HSD17B12: variants seen among roughly 807,000 people sequenced by gnomAD.
HSD17B12 encodes hydroxysteroid 17-beta dehydrogenase 12.
A neutral mutation model predicts 39.3 loss-of-function variants in HSD17B12; 32 were observed. The ratio of observed to expected loss-of-function variants is 0.81; its 90% CI spans 0.61 to 1.09. HSD17B12 has a LOEUF of 1.09. Ranked by LOEUF, HSD17B12 falls within the 50% of genes least tolerant of loss-of-function variation. The pLI is 0.00. For synonymous variants in HSD17B12, 150 were observed against 146.7 expected, an observed-to-expected ratio of 1.02 and a Z score of -0.16; for missense variants, 342 against 382.9, an observed-to-expected ratio of 0.89 and a Z score of 0.89.
chr11:43,721,620 A>T (rs890409834), intron 1 of HSD17B12, among the ~76,000 whole-genome samples: 4 of 152,136 alleles, frequency 2.6e-5, no homozygotes, highest in Admixed American at 1.3e-4. Context: ...CTCCATCTCA[A>T]AAAAGAAAAA....
chr11:43,817,010 CTATATCTATATCTATATCTA>C (rs1208380636), intron 6 of HSD17B12, among the ~76,000 whole-genome samples: 36 of 77,166 alleles, frequency 4.7e-4, no homozygotes, highest in Non-Finnish European at 6.1e-4. Context: ...ATATCTATAT[CTATATCTATATCTATATCTA>C]TATCTATATC....
chr11:43,785,251 C>A (rs893048007), intron 3 of HSD17B12, among the ~76,000 whole-genome samples: 1 of 152,048 alleles, frequency 6.6e-6, no homozygotes, highest in Non-Finnish European at 1.5e-5. Context: ...ATAGGTGTTT[C>A]TTCTAGCATG....
chr11:43,707,084 G>T (rs924146418), intron 1 of HSD17B12, among the ~76,000 whole-genome samples: 3 of 151,974 alleles, frequency 2.0e-5, no homozygotes, highest in African/African-American at 7.3e-5. Flanking sequence ...CTATTCTTAG[G>T]TTCTCTCCAC....
At chr11:43,823,665 C>T (rs1298558142) in intron 6 of HSD17B12, among the ~76,000 whole-genome samples, 4 of 152,090 alleles carry the variant, frequency 2.6e-5, no homozygotes, top group Non-Finnish European at 5.9e-5. Flanking sequence ...TTTTCCTTTC[C>T]TGCTGAATCC....
chr11:43,827,475 C>T (rs191739840), intron 6 of HSD17B12, among the ~76,000 whole-genome samples: 155 of 152,168 alleles, frequency 1.0e-3, no homozygotes, highest in Admixed American at 2.1e-3. Context: ...TGATTACTGA[C>T]GCTACAGGAG....
intron 1 of HSD17B12, among the ~76,000 whole-genome samples, chr11:43,687,938 G>A (rs757346488): frequency 2.6e-5 from 4 of 152,192 alleles, no homozygotes; most frequent in African/African-American, 9.6e-5. Context: ...TTGGCTGGGC[G>A]CAGTGGCTCA....
intron 1 of HSD17B12, among the ~76,000 whole-genome samples, chr11:43,750,542 C>T (rs550326116): frequency 2.6e-5 from 4 of 152,052 alleles, no homozygotes; most frequent in Non-Finnish European, 5.9e-5. Context: ...CTACTGTGAA[C>T]ATTCTTTGGG....
the HSD17B12 span, among the ~76,000 whole-genome samples, chr11:43,596,060 G>T: frequency 1.3e-5 from 2 of 152,124 alleles, no homozygotes; most frequent in African/African-American, 4.8e-5. Flanking sequence ...GTGTTGTTTT[G>T]ATTTGTTTTT....
intron 1 of HSD17B12, among the ~76,000 whole-genome samples, chr11:43,688,098 G>A (rs1265650391): frequency 1.3e-5 from 2 of 152,046 alleles, no homozygotes; most frequent in African/African-American, 4.8e-5. Flanking sequence ...TGTAGTCCCC[G>A]CTACTCGGGA....
chr11:43,744,985 G>T (rs1004435636), intron 1 of HSD17B12, among the ~76,000 whole-genome samples: 1 of 152,246 alleles, frequency 6.6e-6, no homozygotes, highest in Non-Finnish European at 1.5e-5. Context: ...CTTTGGCTGA[G>T]AGCAGTTACT....
the HSD17B12 span, among the ~76,000 whole-genome samples, chr11:43,567,984 G>A: frequency 1.3e-5 from 2 of 152,192 alleles, no homozygotes; most frequent in Non-Finnish European, 2.9e-5. Flanking sequence ...TGTGAGGTTG[G>A]AAGTGGCACT....
chr11:43,677,800 C>A (rs948760595), upstream of HSD17B12, among the ~76,000 whole-genome samples: 2 of 152,194 alleles, frequency 1.3e-5, no homozygotes, highest in African/African-American at 4.8e-5. Flanking sequence ...GTATAGTATT[C>A]CATGGTGTAT....
At chr11:43,780,638 C>T (rs905434944) in intron 3 of HSD17B12, among the ~76,000 whole-genome samples, 14 of 152,120 alleles carry the variant, frequency 9.2e-5, no homozygotes, top group Non-Finnish European at 1.6e-4. Context: ...ATTATTAGAA[C>T]GTGAGTTATC....
intron 1 of HSD17B12, among the ~76,000 whole-genome samples, chr11:43,688,193 C>A (rs1012771794): frequency 6.6e-6 from 1 of 151,368 alleles, no homozygotes; most frequent in African/African-American, 2.4e-5. Context: ...GAGTGGGCAA[C>A]TGAGCAACAC....
chr11:43,744,413 AAAAT>A (rs1950395727), intron 1 of HSD17B12, among the ~76,000 whole-genome samples: 1 of 152,218 alleles, frequency 6.6e-6, no homozygotes, highest in Non-Finnish European at 1.5e-5. Context: ...GAAACATTTT[AAAAT>A]GATACTTGCG....
chr11:43,693,500 A>G (rs560079621), intron 1 of HSD17B12, among the ~76,000 whole-genome samples: 1 of 152,322 alleles, frequency 6.6e-6, no homozygotes, highest in South Asian at 2.1e-4. Context: ...TGTTAAGACC[A>G]GGAGGCACTT....
At chr11:43,637,687 C>T in the HSD17B12 span, among the ~76,000 whole-genome samples, 2 of 152,044 alleles carry the variant, frequency 1.3e-5, no homozygotes, top group Non-Finnish European at 1.5e-5. Context: ...GTTGAAGACG[C>T]AAAGTTAATA....
At chr11:43,782,857 C>T (rs1368634308) in intron 3 of HSD17B12, among the ~76,000 whole-genome samples, 1 of 152,124 alleles carries the variant, frequency 6.6e-6, no homozygotes, top group East Asian at 1.9e-4. Context: ...AACTGGCAGA[C>T]ACTACCTTAA....
At chr11:43,574,420 G>GT in the HSD17B12 span, among the ~76,000 whole-genome samples, 1 of 152,180 alleles carries the variant, frequency 6.6e-6, no homozygotes, top group Non-Finnish European at 1.5e-5. Flanking sequence ...CTGCTTTCTG[G>GT]TTTTCCCCCT....
Sources: gnomAD v4.1 joint callset for allele counts (sites outside exome capture counted in the v4.1 genomes callset) on GRCh38, gnomAD v4.1.1 for gene constraint, MANE v1.5 for transcripts, NCBI Gene and HGNC (gene_info 2026-07-23, HGNC 2026-07-21) for gene names.